CEP128: variants seen among roughly 807,000 people sequenced by gnomAD.
CEP128 encodes the protein centrosomal protein 128kDa.
In CEP128, 132 loss-of-function variants were observed where a neutral mutation model predicts 156.7. The observed-to-expected ratio is 0.84, with a 90% CI of 0.73 to 0.97. The LOEUF is 0.97. Ranked by LOEUF, CEP128 falls within the 50% of genes least tolerant of loss-of-function variation. The probability of loss-of-function intolerance (pLI) is 0.00; values close to 1 mark genes in which losing one functional copy is unlikely to be tolerated. For synonymous variants in CEP128, 469 were observed against 448.9 expected (o/e 1.04, Z -0.57); for missense variants, 1,252 against 1,281.9 (o/e 0.98, Z 0.36).
intron 2 of CEP128, among the ~76,000 whole-genome samples, chr14:80,920,835 T>C (rs942572624): frequency 6.6e-6 from 1 of 152,244 alleles, no homozygotes; most frequent in African/African-American, 2.4e-5. Context: ...AATGGGAACA[T>C]GTAAATTTGA....
intron 21 of CEP128, among the ~76,000 whole-genome samples, chr14:80,534,190 T>C (rs11846118): frequency 0.11 from 17,089 of 152,044 alleles, 1,536 homozygotes; most frequent in African/African-American, 0.25. Context: ...ACTGCCACTT[T>C]GGCATACAAA....
chr14:80,750,594 C>CTTCACGTTGCCTTTTCTCCAATGCTTT (rs1266147309), intron 18 of CEP128, among the ~76,000 whole-genome samples: 1 of 152,184 alleles, frequency 6.6e-6, no homozygotes, highest in Non-Finnish European at 1.5e-5. Context: ...TAAAAAATCA[C>CTTCACGTTGCCTTTTCTCCAATGCTTT]TTCACGTTGC....
At chr14:80,637,682 C>T (rs566480069) in intron 19 of CEP128, among the ~76,000 whole-genome samples, 29 of 152,254 alleles carry the variant, frequency 1.9e-4, no homozygotes, top group Admixed American at 9.1e-4. Flanking sequence ...AGGTCTTAAA[C>T]CGTGAAACCT....
intron 20 of CEP128, among the ~76,000 whole-genome samples, chr14:80,568,426 A>G (rs1229245191): frequency 6.6e-6 from 1 of 152,206 alleles, no homozygotes; most frequent in African/African-American, 2.4e-5. Flanking sequence ...AATCCACATC[A>G]TAATTTACAT....
In CEP128 at chr14:80,870,894, G is replaced by A. The variant is rs557606385; in HGVS notation, c.646-8021C>T. ...CTGTTAGAAGTAATAAACAAATTCA[G>A]TAAAGTTGCAGAAATCAAAATTAAA... On this transcript the variant is annotated intron_variant, in intron 8 of 24. Transcript: ENST00000555265. Among the ~76,000 whole-genome samples, 10 of 151,478 alleles carry A rather than the reference G, an allele frequency of 6.6e-5. No homozygotes were observed. The South Asian group carries it at 2.1e-3, about 32-fold the overall frequency.
chr14:80,729,226 T>A (rs1049218529), intron 19 of CEP128, among the ~76,000 whole-genome samples: 1 of 151,512 alleles, frequency 6.6e-6, no homozygotes, highest in Admixed American at 6.6e-5. Flanking sequence ...TGTGTCCTCA[T>A]AGTTTGGCTC....
rs377746448 is a variant in CEP128 at position 80,836,193 on chromosome 14, A to G, written c.1057+12T>C. The G allele has an allele frequency of 1.9e-5, 30 of 1,613,160 alleles. No homozygotes were observed. The African/African-American group carries it at 2.7e-4, about 14-fold the overall frequency. On this transcript the variant is annotated intron_variant, in intron 12 of 24. Transcript: ENST00000555265. The stretch of plus-strand genomic sequence containing the variant: ...CACATTATCACATTATTAGGTACAA[A>G]TCTACTTTTACCTCTCCTAAATCTC...
At chr14:80,583,934 A>G (rs987802121) in intron 19 of CEP128, among the ~76,000 whole-genome samples, 2 of 152,124 alleles carry the variant, frequency 1.3e-5, no homozygotes, top group South Asian at 2.1e-4. Context: ...AAGAAATGCA[A>G]ATGGTTTGGC....
intron 9 of CEP128, among the ~76,000 whole-genome samples, chr14:80,841,716 C>A (rs1330702467): frequency 6.6e-6 from 1 of 151,932 alleles, no homozygotes; most frequent in African/African-American, 2.4e-5. Context: ...TAACGTCACT[C>A]ACCTACTTAG....
intron 21 of CEP128, among the ~76,000 whole-genome samples, chr14:80,556,596 G>C (rs1176797966): frequency 6.6e-6 from 1 of 152,102 alleles, no homozygotes; most frequent in Non-Finnish European, 1.5e-5. Context: ...GCTAAACCAA[G>C]TTTCTTATTA....
chr14:80,897,639 A>G (rs1047255414), intron 7 of CEP128, among the ~76,000 whole-genome samples: 1 of 152,080 alleles, frequency 6.6e-6, no homozygotes, highest in Non-Finnish European at 1.5e-5. Flanking sequence ...ACCCACCATT[A>G]CCAAATCCTG....
At chr14:80,715,694 T>A (rs1897578146) in intron 19 of CEP128, among the ~76,000 whole-genome samples, 1 of 152,126 alleles carries the variant, frequency 6.6e-6, no homozygotes, top group Non-Finnish European at 1.5e-5. Context: ...GGAGTAAAAG[T>A]CATTAGAGAT....
rs151296333 is a variant in CEP128 at position 80,862,178 on chromosome 14, C to G, written c.762+579G>C. On this transcript the variant is annotated intron_variant, in intron 9 of 24. Coordinates refer to ENST00000555265, the MANE Select transcript of CEP128 (RefSeq NM_152446.5). ...ACTTTTTCTGTAAAGGGCCAAACTG[C>G]CAATACTTTAAACTCCATGGGCCAT... Among the ~76,000 whole-genome samples, 954 of 152,288 alleles carry G rather than the reference C, an allele frequency of 6.3e-3. 12 individuals are homozygous for G. Among genetic ancestry groups the G allele is most frequent in the African/African-American group, 0.022 (906 of 41,566 alleles).
intron 19 of CEP128, among the ~76,000 whole-genome samples, chr14:80,692,716 G>A (rs1336603598): frequency 2.0e-5 from 3 of 152,080 alleles, no homozygotes; most frequent in African/African-American, 4.8e-5. Flanking sequence ...AGATAGAGTT[G>A]GAATAGATCA....
intron 19 of CEP128, among the ~76,000 whole-genome samples, chr14:80,613,655 C>T (rs2140604425): frequency 6.6e-6 from 1 of 152,092 alleles, no homozygotes; most frequent in East Asian, 1.9e-4. Flanking sequence ...AATTATTATT[C>T]AAATGACGCT....
intron 19 of CEP128, among the ~76,000 whole-genome samples, chr14:80,610,163 T>C (rs1892938876): frequency 6.6e-6 from 1 of 152,128 alleles, no homozygotes; most frequent in Admixed American, 6.5e-5. Context: ...ACTTTATCTC[T>C]TTTTTTCCAA....
intron 20 of CEP128, among the ~76,000 whole-genome samples, chr14:80,566,980 G>A (rs941390678): frequency 6.6e-6 from 1 of 152,074 alleles, no homozygotes; most frequent in Non-Finnish European, 1.5e-5. Flanking sequence ...AGCCTACAGG[G>A]AAGCCCAATA....
chr14:80,871,187 G>A (rs1888010666), intron 8 of CEP128, among the ~76,000 whole-genome samples: 2 of 151,958 alleles, frequency 1.3e-5, no homozygotes. Flanking sequence ...TGGAACGAAA[G>A]AAACCCAGGT....
chr14:80,837,722 A>G (rs948277064), intron 11 of CEP128, among the ~76,000 whole-genome samples: 1 of 152,270 alleles, frequency 6.6e-6, no homozygotes, highest in Admixed American at 6.5e-5. Flanking sequence ...CTCAAAAAAA[A>G]TAAAATAAAA....
Sources: gnomAD v4.1 joint callset for allele counts (sites outside exome capture counted in the v4.1 genomes callset) on GRCh38, gnomAD v4.1.1 for gene constraint, MANE v1.5 for transcripts, NCBI Gene and HGNC (gene_info 2026-07-23, HGNC 2026-07-21) for gene names.